The following KCNH7 variants were observed in gnomAD, a reference collection of about 807,000 sequenced individuals.
KCNH7 encodes the protein potassium voltage-gated channel subfamily H member 7.
Under a neutral mutation model 120.8 loss-of-function variants are expected in KCNH7, and 49 were observed. The observed-to-expected ratio is 0.41, with a 90% confidence interval of 0.32 to 0.51. The LOEUF (loss-of-function observed/expected upper bound fraction) is 0.51, where lower values mean the gene tolerates loss of function less well. Ranked by LOEUF, KCNH7 falls within the 20% of genes least tolerant of loss-of-function variation. The pLI, the probability that KCNH7 is intolerant of heterozygous loss-of-function variation, is 0.38. For missense variants in KCNH7, 1,097 were observed against 1,446.6 expected (o/e 0.76, Z 3.92); for synonymous variants, 547 against 516.1 (o/e 1.06, Z -0.81).
intron 2 of KCNH7, among the ~76,000 whole-genome samples, chr2:162,833,485 G>A (rs1685549110): frequency 6.6e-6 from 1 of 152,064 alleles, no homozygotes; most frequent in Admixed American, 6.6e-5. Context: ...TATGTCAAAA[G>A]ATTTACAGCT....
chr2:162,560,563 T>C (rs1254177760), intron 2 of KCNH7, among the ~76,000 whole-genome samples: 1 of 152,216 alleles, frequency 6.6e-6, no homozygotes, highest in Non-Finnish European at 1.5e-5. Context: ...ATTCTGTGTC[T>C]ATTTTGTGTG....
At chr2:162,704,390 G>A (rs183568659) in intron 2 of KCNH7, among the ~76,000 whole-genome samples, 26 of 152,176 alleles carry the variant, frequency 1.7e-4, no homozygotes, top group Non-Finnish European at 3.7e-4. Context: ...TGAAATCTTA[G>A]GAAAAGACAT....
chr2:162,815,800 A>T (rs549257547), intron 2 of KCNH7, among the ~76,000 whole-genome samples: 1 of 152,328 alleles, frequency 6.6e-6, no homozygotes, highest in East Asian at 1.9e-4. Flanking sequence ...ATACACTTAA[A>T]CATGCTTTCT....
chr2:162,835,360 T>A (rs1685623894), intron 2 of KCNH7, among the ~76,000 whole-genome samples: 1 of 152,064 alleles, frequency 6.6e-6, no homozygotes, highest in Non-Finnish European at 1.5e-5. Context: ...GAAACCTTTT[T>A]CCTGCTGTCT....
intron 2 of KCNH7, among the ~76,000 whole-genome samples, chr2:162,706,315 A>T (rs57303821): frequency 6.6e-6 from 1 of 152,160 alleles, no homozygotes; most frequent in African/African-American, 2.4e-5. Flanking sequence ...TAGTAAGTCA[A>T]TGATCATGCT....
chr2:162,682,336 C>A (rs930617973), intron 2 of KCNH7, among the ~76,000 whole-genome samples: 5 of 151,624 alleles, frequency 3.3e-5, no homozygotes, highest in South Asian at 2.1e-4. Context: ...AACCATAAAG[C>A]CTTGCTGTTG....
At chr2:162,513,230 C>T (rs1350884502) in intron 4 of KCNH7, among the ~76,000 whole-genome samples, 2 of 127,400 alleles carry the variant, frequency 1.6e-5, no homozygotes, top group Non-Finnish European at 3.3e-5. Context: ...TCCCTCCTGC[C>T]TTCCTCCCTT....
At chr2:162,788,548 TC>T (rs1683797475) in intron 2 of KCNH7, among the ~76,000 whole-genome samples, 1 of 151,314 alleles carries the variant, frequency 6.6e-6, no homozygotes, top group Non-Finnish European at 1.5e-5. Context: ...CAAAGACAGG[TC>T]ATTTGAAATG....
At chr2:162,613,761 C>A (rs144814616) in intron 2 of KCNH7, among the ~76,000 whole-genome samples, 9 of 151,504 alleles carry the variant, frequency 5.9e-5, no homozygotes, top group Non-Finnish European at 1.0e-4. Context: ...ACTATTCACT[C>A]GAAGGGCAAA....
At chr2:162,720,316 AAAAAAAAG>A (rs945132750) in intron 2 of KCNH7, among the ~76,000 whole-genome samples, 3 of 150,802 alleles carry the variant, frequency 2.0e-5, no homozygotes, top group Non-Finnish European at 4.4e-5. Context: ...AAAAAAAAAA[AAAAAAAAG>A]AGAGAGAGAG....
intron 2 of KCNH7, among the ~76,000 whole-genome samples, chr2:162,787,486 C>T (rs545850063): frequency 3.3e-5 from 5 of 152,230 alleles, no homozygotes; most frequent in South Asian, 4.1e-4. Flanking sequence ...CTGGCATCCA[C>T]GAATTCAGGC....
At chr2:162,482,351 G>A (rs1268047624) in intron 6 of KCNH7, among the ~76,000 whole-genome samples, 2 of 152,126 alleles carry the variant, frequency 1.3e-5, no homozygotes, top group East Asian at 1.9e-4. Flanking sequence ...CTGATGAGGA[G>A]TAAGAATACA....
chr2:162,601,085 C>T (rs1391085111), intron 2 of KCNH7, among the ~76,000 whole-genome samples: 1 of 152,032 alleles, frequency 6.6e-6, no homozygotes, highest in Non-Finnish European at 1.5e-5. Flanking sequence ...TCATATTGTT[C>T]ATATCAATAC....
At chr2:162,378,612 G>A (rs1178117460) in intron 14 of KCNH7, among the ~76,000 whole-genome samples, 3 of 152,176 alleles carry the variant, frequency 2.0e-5, no homozygotes, top group East Asian at 1.9e-4. Context: ...GCATATCAAC[G>A]ATAGAAATAT....
chr2:162,423,245 G>T, intron 9 of KCNH7, 91 bp downstream of exon 9: 1 of 1,603,516 alleles, frequency 6.2e-7, no homozygotes, highest in Non-Finnish European at 8.5e-7. Flanking sequence ...AAAAGCAAGG[G>T]GTTCAAAGCT....
chr2:162,801,572 T>C (rs1396556566), intron 2 of KCNH7, among the ~76,000 whole-genome samples: 1 of 151,838 alleles, frequency 6.6e-6, no homozygotes, highest in Non-Finnish European at 1.5e-5. Context: ...AACAGAATCA[T>C]TTTTCATTAC....
chr2:162,836,457 C>A (rs1047114346), intron 2 of KCNH7, 80 bp downstream of exon 2: 2 of 1,107,148 alleles, frequency 1.8e-6, no homozygotes, highest in Middle Eastern at 2.0e-4. Context: ...TTTTGGGCTT[C>A]TTTGCATATG....
chr2:162,502,984 T>C (rs1690735107), intron 6 of KCNH7, among the ~76,000 whole-genome samples: 1 of 152,136 alleles, frequency 6.6e-6, no homozygotes, highest in African/African-American at 2.4e-5. Context: ...AAATTCTGCA[T>C]TTCCAGCTTC....
intron 2 of KCNH7, chr2:162,785,095 A>C (rs1009913379): frequency 2.6e-5 from 4 of 152,108 alleles, no homozygotes; most frequent in Non-Finnish European, 5.9e-5. Flanking sequence ...GACAACTGGA[A>C]CTCTCAATCT....
Sources: gnomAD v4.1 joint callset for allele counts (sites outside exome capture counted in the v4.1 genomes callset) on GRCh38, gnomAD v4.1.1 for gene constraint, MANE v1.5 for transcripts, NCBI Gene and HGNC (gene_info 2026-07-23, HGNC 2026-07-21) for gene names.